The following UNC79 variants were observed in gnomAD, a reference collection of about 807,000 sequenced individuals.
UNC79 encodes the protein unc-79 subunit of NALCN channel complex, also known as protein unc-79 homolog.
In UNC79, 37 loss-of-function variants were observed where a neutral mutation model predicts 283.1. The observed-to-expected ratio is 0.13, with a 90% CI of 0.10 to 0.17. The LOEUF is 0.17. Among genes scored for constraint, UNC79 ranks in the 10% least tolerant of loss-of-function variants. The pLI is 1.00. For missense variants in UNC79, 2,272 were observed against 3,211.1 expected, an observed-to-expected ratio of 0.71 and a Z score of 7.07; for synonymous variants, 1,107 against 1,200.2, an observed-to-expected ratio of 0.92 and a Z score of 1.61.
chr14:93,557,154 G>A (rs1428779430), intron 14 of UNC79, among the ~76,000 whole-genome samples: 1 of 152,234 alleles, frequency 6.6e-6, no homozygotes, highest in Non-Finnish European at 1.5e-5. Flanking sequence ...TGTGAGCAGA[G>A]AGTGTGACAA....
At chr14:93,346,040 A>T (rs1330461694) in intron 1 of UNC79, among the ~76,000 whole-genome samples, 1 of 151,666 alleles carries the variant, frequency 6.6e-6, no homozygotes, top group Non-Finnish European at 1.5e-5. Context: ...TTTTGAGCCC[A>T]GAGTTCTATA....
downstream of UNC79, chr14:93,706,918 C>A (rs372851922): frequency 7.4e-6 from 12 of 1,613,864 alleles, no homozygotes; most frequent in Non-Finnish European, 1.0e-5. Context: ...GACTCCTCGG[C>A]GCTCAGTGTC....
Position 93,690,421 on chromosome 14 carries a change from T to C in UNC79, c.7272+118T>C, listed in dbSNP as rs1018053021. The C allele has an allele frequency of 1.9e-5, 22 of 1,185,550 alleles. No homozygotes were observed. Among genetic ancestry groups the C allele is most frequent in the Non-Finnish European group, 2.4e-5 (21 of 860,880 alleles). 73.4% of individuals were successfully genotyped at this position (1,185,550 alleles called of 1,614,324 possible). On this transcript the variant is annotated intron_variant, in intron 45 of 48. Transcript: ENST00000555664. This position sits in a 1 kb window ranked among gnomAD's most constrained non-coding sequence, Gnocchi z 4.3. ...ATCTTATCATTTGCCCTCCTGTGGATGTTAGAAACACAACTTTGTGCTAAT... is the reference window on the plus strand; with the variant it reads ...ATCTTATCATTTGCCCTCCTGTGGACGTTAGAAACACAACTTTGTGCTAAT...
intron 1 of UNC79, among the ~76,000 whole-genome samples, chr14:93,433,923 GA>G (rs2055978760): frequency 6.6e-6 from 1 of 152,170 alleles, no homozygotes; most frequent in African/African-American, 2.4e-5. Flanking sequence ...TGATGAAGGA[GA>G]AGCTAGTGGC....
chr14:93,638,976 TA>T (rs1406506363), intron 32 of UNC79, among the ~76,000 whole-genome samples: 1 of 152,188 alleles, frequency 6.6e-6, no homozygotes, highest in Non-Finnish European at 1.5e-5. Context: ...ATGACGGCCA[TA>T]AATATTGCAT....
intron 7 of UNC79, among the ~76,000 whole-genome samples, chr14:93,498,287 TAAATAAA>T (rs2059115119): frequency 1.3e-5 from 2 of 149,908 alleles, no homozygotes; most frequent in South Asian, 2.1e-4. Context: ...ATAATAATAA[TAAATAAA>T]AAATAAAAAA....
At chr14:93,347,131 TA>T (rs1595370751) in intron 1 of UNC79, 3 of 901,612 alleles carry the variant, frequency 3.3e-6, no homozygotes, top group African/African-American at 1.8e-5. Flanking sequence ...AGGGGTGGGG[TA>T]GGGGGCGAGG....
At position 93,603,561 on chromosome 14, in the gene UNC79, G is replaced by C. The variant is rs1050460048; in HGVS notation, c.3754+143G>C. 3.9e-6 allele frequency: 4 copies of C among 1,034,946 alleles called. No individual in the cohort carries two copies. The African/African-American group carries it at 6.5e-5, about 17-fold the overall frequency. 64.1% of individuals were successfully genotyped at this position (1,034,946 alleles called of 1,614,324 possible). ...AAGTTTGGCTTTCAGATTCCCTAGAGAATCACTTCAGGGGTATAAATGCCT... is the reference window on the plus strand; with the variant it reads ...AAGTTTGGCTTTCAGATTCCCTAGACAATCACTTCAGGGGTATAAATGCCT... On this transcript the variant is annotated intron_variant, in intron 26 of 48. Coordinates refer to ENST00000555664, the Ensembl canonical transcript of UNC79.
chr14:93,360,890 G>A (rs1362760068), intron 1 of UNC79, among the ~76,000 whole-genome samples: 2 of 152,146 alleles, frequency 1.3e-5, no homozygotes, highest in African/African-American at 4.8e-5. Context: ...TGAAGGGTAA[G>A]TTGCTGCATT....
At chr14:93,421,105 A>T (rs1328978964) in intron 1 of UNC79, among the ~76,000 whole-genome samples, 1 of 151,720 alleles carries the variant, frequency 6.6e-6, no homozygotes, top group Non-Finnish European at 1.5e-5. Context: ...AATAAAGATC[A>T]AAGCAAAAAT....
chr14:93,594,021 G>A (rs1393845173), intron 23 of UNC79, among the ~76,000 whole-genome samples, 184 bp downstream of exon 23: 1 of 152,126 alleles, frequency 6.6e-6, no homozygotes, highest in Non-Finnish European at 1.5e-5. Flanking sequence ...TTGCAGAGTG[G>A]TCCTTAGGGA....
At chr14:93,558,839 T>C (rs1402004224) in intron 14 of UNC79, among the ~76,000 whole-genome samples, 1 of 151,968 alleles carries the variant, frequency 6.6e-6, no homozygotes, top group African/African-American at 2.4e-5. Flanking sequence ...AATCTTCCTT[T>C]TCTGTTTCAT....
chr14:93,375,002 G>A (rs1011513099), intron 1 of UNC79, among the ~76,000 whole-genome samples: 12 of 152,032 alleles, frequency 7.9e-5, no homozygotes, highest in African/African-American at 2.9e-4. Flanking sequence ...ATGAGTTTTG[G>A]GGGGTCAGGG....
chr14:93,352,722 A>G lies in UNC79; in HGVS notation c.-351+19199A>G, dbSNP rs144934704. Reference sequence around the variant, plus strand: ...AACATTTTTGTCAGCCTCTCAGTCTATAACTTATTTTATGTCTGTTTCTTT... The same window carrying G: ...AACATTTTTGTCAGCCTCTCAGTCTGTAACTTATTTTATGTCTGTTTCTTT... On this transcript the variant is annotated intron_variant, in intron 1 of 49. Coordinates refer to the UNC79 transcript ENST00000256339. Among the ~76,000 whole-genome samples the G allele has an allele frequency of 8.5e-5, 13 of 152,330 alleles. No individual in the cohort carries two copies. The East Asian group carries it at 2.5e-3, about 29-fold the overall frequency.
intron 14 of UNC79, among the ~76,000 whole-genome samples, chr14:93,569,557 T>C (rs542901252): frequency 6.6e-6 from 1 of 152,342 alleles, no homozygotes; most frequent in African/African-American, 2.4e-5. Context: ...TTAAAGTAAC[T>C]GGTCTTAGAG....
At chr14:93,473,006 A>C (rs1595555743) in intron 2 of UNC79, among the ~76,000 whole-genome samples, 1 of 152,274 alleles carries the variant, frequency 6.6e-6, no homozygotes, top group East Asian at 1.9e-4. Flanking sequence ...CTATTTTTAA[A>C]TTAACAACTT....
chr14:93,595,046 G>A (rs751327591), intron 23 of UNC79, among the ~76,000 whole-genome samples: 49 of 151,602 alleles, frequency 3.2e-4, no homozygotes, highest in Admixed American at 2.6e-3. Flanking sequence ...TCTGAATCTC[G>A]GCTCTGGTTA....
At chr14:93,637,132 C>G (rs1192853657) in intron 31 of UNC79, 84 bp from the exon 35 acceptor site, 1 of 806,990 alleles carries the variant, frequency 1.2e-6, no homozygotes, top group Non-Finnish European at 2.2e-6. Context: ...AATTGGCCCC[C>G]AGAGATGATT....
chr14:93,683,604 A>G (rs1010272350), intron 42 of UNC79, among the ~76,000 whole-genome samples: 1 of 152,156 alleles, frequency 6.6e-6, no homozygotes, highest in Non-Finnish European at 1.5e-5. Context: ...TACCTATGCC[A>G]TAGCTAAAAA....
Sources: gnomAD v4.1 joint callset for allele counts (sites outside exome capture counted in the v4.1 genomes callset) on GRCh38, gnomAD v4.1.1 for gene constraint, Gnocchi (gnomAD v3.1) non-coding constraint, MANE v1.5 for transcripts, NCBI Gene and HGNC (gene_info 2026-07-23, HGNC 2026-07-21) for gene names.